Variants in HDAC9 observed in about 807,000 individuals in gnomAD.
HDAC9 encodes the protein MEF-2 interacting transcription repressor (MITR) protein.
A neutral mutation model predicts 139.4 loss-of-function variants in HDAC9; 41 were observed. The ratio of observed to expected loss-of-function variants is 0.29; its 90% confidence interval spans 0.23 to 0.38. The LOEUF (loss-of-function observed/expected upper bound fraction) is 0.38. Among genes scored for constraint, HDAC9 ranks in the 10% least tolerant of loss-of-function variants. The probability of loss-of-function intolerance (pLI) is 1.00; values close to 1 mark genes in which losing one functional copy is unlikely to be tolerated. For synonymous variants in HDAC9, 517 were observed against 476.2 expected (o/e 1.09, Z -1.12); for missense variants, 1,147 against 1,297.0 (o/e 0.88, Z 1.78).
intron 13 of HDAC9, among the ~76,000 whole-genome samples, chr7:18,730,484 C>A (rs1197928692): frequency 6.6e-6 from 1 of 152,104 alleles, no homozygotes; most frequent in Non-Finnish European, 1.5e-5. Flanking sequence ...GAACATTCAC[C>A]TATGTTCTTT....
intron 1 of HDAC9, among the ~76,000 whole-genome samples, chr7:18,400,522 A>G (rs1434844226): frequency 6.6e-6 from 1 of 152,190 alleles, no homozygotes; most frequent in Non-Finnish European, 1.5e-5. Flanking sequence ...GTGAAGTTGG[A>G]CATGGGGTCA....
At chr7:18,859,418 C>T (rs1039487831) in intron 21 of HDAC9, among the ~76,000 whole-genome samples, 5 of 152,048 alleles carry the variant, frequency 3.3e-5, no homozygotes, top group African/African-American at 1.2e-4. Context: ...CTCTGCACTT[C>T]AGAACTCTAT....
rs766760417 is a variant in HDAC9, at chr7:18,715,329, T to A, written c.1732-12251T>A. On this transcript the variant is annotated intron_variant, in intron 12 of 25. Coordinates refer to ENST00000686413, the MANE Select transcript of HDAC9 (RefSeq NM_178425.4). The stretch of plus-strand genomic sequence containing the variant: ...ATTCTCTCTGTCTTATTTTTATTTT[T>A]AAAATTTTTTGTTATCCAAACATCT... 9.1e-4 allele frequency among the ~76,000 whole-genome samples: 139 copies of A among 152,196 alleles called. 1 individual carries two copies. The highest frequency in any genetic ancestry group is 1.6e-3 in the Non-Finnish European group (108 of 68,018).
chr7:18,589,562 G>A (rs1334144979), intron 3 of HDAC9, among the ~76,000 whole-genome samples: 2 of 151,970 alleles, frequency 1.3e-5, no homozygotes, highest in African/African-American at 4.8e-5. Flanking sequence ...AAAAAAGAGT[G>A]CAAGAATGCA....
chr7:18,595,795 C>T (rs1832313482), intron 6 of HDAC9, among the ~76,000 whole-genome samples: 2 of 151,964 alleles, frequency 1.3e-5, no homozygotes, highest in Admixed American at 1.3e-4. Context: ...ATTAAGCACC[C>T]AGTGAGAAAA....
intron 2 of HDAC9, among the ~76,000 whole-genome samples, chr7:18,213,392 T>G (rs1433257473): frequency 2.0e-5 from 3 of 152,140 alleles, no homozygotes; most frequent in African/African-American, 7.2e-5. Flanking sequence ...TTTAGCTAAT[T>G]TTTAACTTTC....
intron 1 of HDAC9, among the ~76,000 whole-genome samples, chr7:18,414,492 C>T (rs1329145313): frequency 6.6e-6 from 1 of 151,676 alleles, no homozygotes. Flanking sequence ...TTTCACTATG[C>T]ATTTTATTTG....
chr7:18,231,328 T>A (rs1001666), intron 2 of HDAC9, among the ~76,000 whole-genome samples: 60,633 of 152,022 alleles, frequency 0.4, 13,937 homozygotes, highest in Admixed American at 0.52. Context: ...CATTGGGTAA[T>A]AGGCAGTGGC....
intron 15 of HDAC9, among the ~76,000 whole-genome samples, chr7:18,766,254 C>T (rs1311655180): frequency 6.6e-6 from 1 of 152,142 alleles, no homozygotes; most frequent in African/African-American, 2.4e-5. Flanking sequence ...ACTGCCCTTC[C>T]CCATGATTAC....
At chr7:18,220,320 A>G (rs1354504412) in intron 2 of HDAC9, among the ~76,000 whole-genome samples, 2 of 152,210 alleles carry the variant, frequency 1.3e-5, no homozygotes, top group Non-Finnish European at 2.9e-5. Context: ...TTAAAAATAG[A>G]ATAATATTAG....
At chr7:18,677,926 G>T (rs1209088235) in intron 12 of HDAC9, among the ~76,000 whole-genome samples, 2 of 151,702 alleles carry the variant, frequency 1.3e-5, no homozygotes, top group Non-Finnish European at 2.9e-5. Context: ...TTGTTTTCCT[G>T]CTTTCTTCCT....
intron 2 of HDAC9, among the ~76,000 whole-genome samples, chr7:18,265,404 T>A (rs959518694): frequency 2.6e-5 from 4 of 152,178 alleles, no homozygotes; most frequent in Admixed American, 6.5e-5. Flanking sequence ...AGCCATTTAT[T>A]TAGAACGCCA....
chr7:18,240,684 T>G (rs972161240), intron 2 of HDAC9, among the ~76,000 whole-genome samples: 20 of 152,178 alleles, frequency 1.3e-4, no homozygotes, highest in African/African-American at 4.3e-4. Context: ...GCTTCCCATC[T>G]TATCAGAACA....
At chr7:18,931,213 C>T (rs2066956) in intron 22 of HDAC9, among the ~76,000 whole-genome samples, 30,988 of 151,958 alleles carry the variant, frequency 0.2, 3,285 homozygotes, top group East Asian at 0.35. Flanking sequence ...AATCTTGGCT[C>T]AGGGAAAGAA....
At chr7:18,245,009 C>CTATCTATCTATCTATCTATCTATT (rs1794431646) in intron 2 of HDAC9, among the ~76,000 whole-genome samples, 1 of 151,926 alleles carries the variant, frequency 6.6e-6, no homozygotes, top group South Asian at 2.1e-4. Flanking sequence ...ATCTATCTAT[C>CTATCTATCTATCTATCTATCTATT]TATCTATCTA....
chr7:18,932,936 T>A (rs1804907666), intron 22 of HDAC9, among the ~76,000 whole-genome samples: 2 of 152,004 alleles, frequency 1.3e-5, no homozygotes, highest in African/African-American at 4.8e-5. Context: ...AGGTCCATAT[T>A]TATAATATAC....
At chr7:18,793,123 A>G (rs1792475593) in intron 16 of HDAC9, 2 of 524,900 alleles carry the variant, frequency 3.8e-6, no homozygotes, top group Non-Finnish European at 3.5e-6. Flanking sequence ...GTGTAGAGAA[A>G]AAGTATAAGC....
At chr7:18,431,886 G>A (rs1790705568) in intron 1 of HDAC9, among the ~76,000 whole-genome samples, 1 of 152,172 alleles carries the variant, frequency 6.6e-6, no homozygotes, top group Admixed American at 6.5e-5. Context: ...TCTGTAGAAA[G>A]AACACTGTGT....
chr7:18,791,139 A>G (rs182938666), intron 16 of HDAC9, among the ~76,000 whole-genome samples: 245 of 152,292 alleles, frequency 1.6e-3, no homozygotes, highest in African/African-American at 5.6e-3. Context: ...TGTTTTTCTA[A>G]TCAAGTTCAG....
Sources: allele counts gnomAD v4.1 joint callset (sites outside exome capture counted in the v4.1 genomes callset), GRCh38; gene constraint gnomAD v4.1.1; transcripts MANE v1.5; gene names NCBI Gene and HGNC (gene_info 2026-07-23, HGNC 2026-07-21).